The following SATB2 variants were observed in gnomAD, a reference collection of about 807,000 sequenced individuals.
SATB2 encodes DNA-binding protein SATB2.
SATB2 carries 1 observed loss-of-function variant against 73.4 expected under a neutral mutation model. That is an observed-to-expected ratio of 0.01 (90% CI 0.00 to 0.06). The LOEUF is 0.06. Among genes scored for constraint, SATB2 ranks in the 10% least tolerant of loss-of-function variants. The pLI is 1.00. For synonymous variants in SATB2, 397 were observed against 367.0 expected (o/e 1.08, Z -0.93); for missense variants, 459 against 945.8 (o/e 0.49, Z 6.75).
chr2:199,366,792 A>G (rs1279503319), intron 6 of SATB2, among the ~76,000 whole-genome samples: 1 of 145,996 alleles, frequency 6.8e-6, no homozygotes, highest in African/African-American at 2.5e-5. Flanking sequence ...TTAAAGATTT[A>G]ATTGTGCATT....
chr2:199,386,709 C>T lies in SATB2; in HGVS notation c.347-4889G>A, dbSNP rs1439677211. Among the ~76,000 whole-genome samples, 20 of 20,704 alleles carry T rather than the reference C, an allele frequency of 9.7e-4. No homozygotes were observed. In the East Asian group the frequency reaches 0.048, roughly 50 times the overall value. The allele number at this position is 20,704 out of a possible 152,430, so 13.6% of individuals were successfully genotyped here. On this transcript the variant is annotated intron_variant, in intron 3 of 10. Coordinates refer to ENST00000417098, the MANE Select transcript of SATB2 (RefSeq NM_001172509.2). ...ACACGTGCGCAAGCGCGCGCGCGCG[C>T]GCGCGCGCACACACACACACACACA... is the stretch of plus-strand genomic sequence containing the variant.
chr2:199,404,030 A>AT (rs1266083442), intron 3 of SATB2, among the ~76,000 whole-genome samples: 2 of 152,232 alleles, frequency 1.3e-5, no homozygotes, highest in Admixed American at 1.3e-4. Flanking sequence ...GAGCAAGTAA[A>AT]TAATCCACAT....
intron 4 of SATB2, 29 bp from the exon 5 acceptor site, chr2:199,380,516 C>T (rs1689737513): frequency 6.2e-7 from 1 of 1,608,654 alleles, no homozygotes; most frequent in Non-Finnish European, 8.5e-7. Context: ...ATGAACAATA[C>T]ACAAACCTCA....
chr2:199,377,282 C>T (rs1689633087), intron 5 of SATB2, among the ~76,000 whole-genome samples: 1 of 151,946 alleles, frequency 6.6e-6, no homozygotes, highest in African/African-American at 2.4e-5. Context: ...AGAAGGCTGA[C>T]GCGGGAGAAT....
At chr2:199,430,685 C>T (rs954114825) in intron 3 of SATB2, among the ~76,000 whole-genome samples, 29 of 152,122 alleles carry the variant, frequency 1.9e-4, no homozygotes, top group Non-Finnish European at 2.5e-4. Context: ...AATATTCTTT[C>T]TTAATAAAAA....
intron 3 of SATB2, among the ~76,000 whole-genome samples, chr2:199,425,260 G>A (rs969190639): frequency 2.0e-5 from 3 of 152,160 alleles, no homozygotes; most frequent in Admixed American, 6.5e-5. Context: ...ATCATTTTAC[G>A]TGAATGTCTC....
At chr2:199,351,914 A>G (rs1325716823) in intron 6 of SATB2, among the ~76,000 whole-genome samples, 1 of 152,316 alleles carries the variant, frequency 6.6e-6, no homozygotes, top group Non-Finnish European at 1.5e-5. Flanking sequence ...TCTGTTACCC[A>G]AGATGGAGTG....
intron 5 of SATB2, among the ~76,000 whole-genome samples, chr2:199,372,940 G>T (rs1472357074): frequency 6.6e-6 from 1 of 152,146 alleles, no homozygotes; most frequent in Non-Finnish European, 1.5e-5. Context: ...GAAAAACAGA[G>T]ATCTGAGCAT....
At chr2:199,303,619 A>G (rs1687346922) in intron 10 of SATB2, among the ~76,000 whole-genome samples, 1 of 152,184 alleles carries the variant, frequency 6.6e-6, no homozygotes, top group African/African-American at 2.4e-5. Flanking sequence ...ACCTCTATCC[A>G]CTAGATGCCA....
intron 6 of SATB2, among the ~76,000 whole-genome samples, chr2:199,355,195 C>CTA (rs989095512): frequency 1.1e-4 from 17 of 149,028 alleles, no homozygotes; most frequent in South Asian, 4.2e-4. Flanking sequence ...CATATACACA[C>CTA]TATATATGTA....
At chr2:199,330,196 A>G (rs1688148309) in intron 7 of SATB2, among the ~76,000 whole-genome samples, 2 of 152,214 alleles carry the variant, frequency 1.3e-5, no homozygotes. Context: ...TAGTTGTCCA[A>G]AAATCTTCAG....
intron 10 of SATB2, among the ~76,000 whole-genome samples, chr2:199,305,265 T>C (rs1158327070): frequency 6.6e-6 from 1 of 152,140 alleles, no homozygotes; most frequent in Non-Finnish European, 1.5e-5. Flanking sequence ...CATAAAACTC[T>C]GAGCTTGGAT....
rs768644504 is a variant in SATB2, at chr2:199,433,435, C to T, written c.249G>A (p.Glu83=). 1.2e-6 allele frequency: 2 copies of T among 1,614,182 alleles called. No homozygotes were observed. The highest frequency in any genetic ancestry group is 1.6e-4 in the Middle Eastern group (1 of 6,062). Residue 83 remains glutamate (E), a synonymous_variant, in exon 3 of 11, where the codon GAG becomes GAA. Coordinates refer to ENST00000417098, the MANE Select transcript of SATB2 (RefSeq NM_001172509.2). ...LEYDNREEHA[E]FVLVRKDVLF... is the part of the protein sequence containing the mutation. Reference sequence around the variant, plus strand: ...GCACATCTTTCCGCACCAGGACAAACTCGGCGTGTTCTTCTCTGTTGTCAT... The same window carrying T: ...GCACATCTTTCCGCACCAGGACAAATTCGGCGTGTTCTTCTCTGTTGTCAT...
At chr2:199,335,418 G>A (rs1368260413) in intron 7 of SATB2, among the ~76,000 whole-genome samples, 1 of 152,142 alleles carries the variant, frequency 6.6e-6, no homozygotes, top group Non-Finnish European at 1.5e-5. Context: ...TGTATGTACA[G>A]TACACTGCAA....
At chr2:199,429,290 A>G (rs1277659528) in intron 3 of SATB2, among the ~76,000 whole-genome samples, 1 of 152,134 alleles carries the variant, frequency 6.6e-6, no homozygotes, top group Non-Finnish European at 1.5e-5. Context: ...TTTTTATTAG[A>G]AAAAGAAGAA....
upstream of SATB2, among the ~76,000 whole-genome samples, chr2:199,468,730 C>T (rs1692643905): frequency 6.6e-6 from 1 of 152,216 alleles, no homozygotes; most frequent in African/African-American, 2.4e-5. Flanking sequence ...CTCGCAGGCC[C>T]GCCTCTGGGC....
At chr2:199,311,499 C>T (rs1687592790) in intron 9 of SATB2, among the ~76,000 whole-genome samples, 1 of 152,048 alleles carries the variant, frequency 6.6e-6, no homozygotes, top group Non-Finnish European at 1.5e-5. Context: ...TAAATAATAA[C>T]CTACAGAGCA....
chr2:199,348,563 TTAAC>T (rs1433455968), intron 7 of SATB2, 134 bp downstream of exon 7: 4 of 744,358 alleles, frequency 5.4e-6, no homozygotes, highest in Admixed American at 4.4e-5. Context: ...TAGCGTTTCA[TTAAC>T]TAAGGATTAT....
At chr2:199,319,429 G>T (rs2105783277) in intron 9 of SATB2, among the ~76,000 whole-genome samples, 1 of 152,152 alleles carries the variant, frequency 6.6e-6, no homozygotes, top group South Asian at 2.1e-4. Context: ...TATCCCAGCA[G>T]GCTCTGGCAC....
Sources: allele counts gnomAD v4.1 joint callset (sites outside exome capture counted in the v4.1 genomes callset), GRCh38; gene constraint gnomAD v4.1.1; transcripts MANE v1.5; gene names NCBI Gene and HGNC (gene_info 2026-07-23, HGNC 2026-07-21).